FGF14: variants seen among roughly 807,000 people sequenced by gnomAD.
FGF14 encodes the protein fibroblast growth factor homologous factor 4.
Under a neutral mutation model 25.5 loss-of-function variants are expected in FGF14, and 5 were observed. The observed-to-expected ratio is 0.20, with a 90% CI of 0.10 to 0.41. FGF14 has a LOEUF of 0.41. Ranked by LOEUF, FGF14 falls within the 10% of genes least tolerant of loss-of-function variation. The pLI is 1.00. For missense variants in FGF14, 222 were observed against 320.1 expected, an observed-to-expected ratio of 0.69 and a Z score of 2.34; for synonymous variants, 138 against 118.3, an observed-to-expected ratio of 1.17 and a Z score of -1.08.
At chr13:102,102,387 A>G (rs1437291584) in intron 1 of FGF14, among the ~76,000 whole-genome samples, 1 of 152,244 alleles carries the variant, frequency 6.6e-6, no homozygotes, top group Non-Finnish European at 1.5e-5. Flanking sequence ...AATGTAAGTC[A>G]GAAAAATGGA....
At chr13:101,735,209 A>C (rs2036097349) in intron 3 of FGF14, among the ~76,000 whole-genome samples, 1 of 152,206 alleles carries the variant, frequency 6.6e-6, no homozygotes, top group Non-Finnish European at 1.5e-5. Context: ...TCTTAGTTTC[A>C]CAAGCAATAT....
intron 3 of FGF14, among the ~76,000 whole-genome samples, chr13:101,753,581 C>A (rs998579218): frequency 6.6e-6 from 1 of 151,990 alleles, no homozygotes; most frequent in Non-Finnish European, 1.5e-5. Context: ...GAGGCAGGCG[C>A]ATCACCTGAG....
intron 1 of FGF14, among the ~76,000 whole-genome samples, chr13:102,094,627 G>A (rs1415948548): frequency 6.6e-6 from 1 of 152,126 alleles, no homozygotes; most frequent in Non-Finnish European, 1.5e-5. Flanking sequence ...TTTATGATTA[G>A]GACTGCCCTT....
chr13:101,896,848 G>T (rs961939922), intron 1 of FGF14, among the ~76,000 whole-genome samples: 1 of 152,050 alleles, frequency 6.6e-6, no homozygotes, highest in Non-Finnish European at 1.5e-5. Flanking sequence ...GACCATAATA[G>T]GGGATTTCAC....
chr13:102,207,368 T>C (rs137929170), intron 1 of FGF14, among the ~76,000 whole-genome samples: 1 of 151,878 alleles, frequency 6.6e-6, no homozygotes, highest in East Asian at 1.9e-4. Context: ...ATTCAGTTAA[T>C]GCAAGGACCC....
chr13:102,355,562 G>A (rs1346592427), intron 1 of FGF14, among the ~76,000 whole-genome samples: 12 of 149,466 alleles, frequency 8.0e-5, no homozygotes, highest in African/African-American at 2.0e-4. Context: ...TCCCCATCTC[G>A]TATGACACAA....
At chr13:102,209,559 CT>C (rs1279109734) in intron 1 of FGF14, among the ~76,000 whole-genome samples, 2 of 152,170 alleles carry the variant, frequency 1.3e-5, no homozygotes, top group Admixed American at 1.3e-4. Flanking sequence ...AGGCAGGTCC[CT>C]TTGGCTGAGA....
intron 1 of FGF14, among the ~76,000 whole-genome samples, chr13:102,256,170 G>T (rs537850329): frequency 1.3e-5 from 2 of 152,046 alleles, no homozygotes; most frequent in East Asian, 3.9e-4. Flanking sequence ...AGGGAGAAAT[G>T]AAAAGATTGA....
chr13:101,888,557 G>T (rs967360083), intron 1 of FGF14, among the ~76,000 whole-genome samples: 1 of 152,030 alleles, frequency 6.6e-6, no homozygotes, highest in African/African-American at 2.4e-5. Flanking sequence ...TTTCCACATG[G>T]GGTTAATTTA....
chr13:101,874,212 T>A (rs1049067936), intron 2 of FGF14, among the ~76,000 whole-genome samples: 1 of 151,966 alleles, frequency 6.6e-6, no homozygotes, highest in Non-Finnish European at 1.5e-5. Context: ...CTGATAAAAA[T>A]AAATAAAATA....
chr13:102,266,861 AG>A (rs1341797997), intron 1 of FGF14, among the ~76,000 whole-genome samples: 2 of 152,106 alleles, frequency 1.3e-5, no homozygotes, highest in African/African-American at 4.8e-5. Context: ...ATTACACAAA[AG>A]TAAAGGAATA....
chr13:102,128,692 G>C (rs112852372), intron 1 of FGF14, among the ~76,000 whole-genome samples: 4 of 152,278 alleles, frequency 2.6e-5, no homozygotes, highest in African/African-American at 9.6e-5. Context: ...ATGTGAAAAA[G>C]TGCTGTCTTC....
At chr13:101,898,869 A>C (rs1024218548) in intron 1 of FGF14, among the ~76,000 whole-genome samples, 9 of 152,190 alleles carry the variant, frequency 5.9e-5, no homozygotes, top group African/African-American at 1.9e-4. Flanking sequence ...TTTTGGAAGA[A>C]AGGAAAACAT....
intron 1 of FGF14, among the ~76,000 whole-genome samples, chr13:102,232,528 T>G (rs1257568991): frequency 6.6e-6 from 1 of 152,230 alleles, no homozygotes; most frequent in Non-Finnish European, 1.5e-5. Context: ...TGAACCCTTC[T>G]CTTTTATTTT....
At chr13:102,007,716 CCT>C (rs1486976933) in intron 1 of FGF14, among the ~76,000 whole-genome samples, 4 of 152,168 alleles carry the variant, frequency 2.6e-5, no homozygotes, top group Non-Finnish European at 4.4e-5. Context: ...TGTGAAAATG[CCT>C]CTGATTTTCA....
chr13:102,306,964 G>A (rs971653796), intron 1 of FGF14, among the ~76,000 whole-genome samples: 1 of 152,098 alleles, frequency 6.6e-6, no homozygotes, highest in South Asian at 2.1e-4. Flanking sequence ...AGGACCTCGA[G>A]ATGGAAAGAG....
At chr13:102,003,653 G>A (rs991360239) in intron 1 of FGF14, among the ~76,000 whole-genome samples, 5 of 148,320 alleles carry the variant, frequency 3.4e-5, no homozygotes, top group African/African-American at 1.3e-4. Context: ...TTTCTTTATT[G>A]CAAGGGGTTA....
intron 3 of FGF14, among the ~76,000 whole-genome samples, chr13:101,751,473 G>C (rs2139841717): frequency 6.6e-6 from 1 of 152,274 alleles, no homozygotes; most frequent in African/African-American, 2.4e-5. Context: ...CTCCCCCACT[G>C]ATGTCTTAAT....
intron 1 of FGF14, among the ~76,000 whole-genome samples, chr13:101,887,392 A>G (rs985088270): frequency 2.0e-5 from 3 of 151,922 alleles, no homozygotes; most frequent in South Asian, 2.1e-4. Context: ...TGGAATTTAT[A>G]TAATATACAA....
Sources: gnomAD v4.1 joint callset for allele counts (sites outside exome capture counted in the v4.1 genomes callset) on GRCh38, gnomAD v4.1.1 for gene constraint, MANE v1.5 for transcripts, NCBI Gene and HGNC (gene_info 2026-07-23, HGNC 2026-07-21) for gene names.